Variants in GK observed in about 807,000 individuals in gnomAD.
The protein encoded by GK is ATP:glycerol 3-phosphotransferase.
GK carries 9 observed loss-of-function variants against 56.4 expected under a neutral mutation model. The ratio of observed to expected loss-of-function variants is 0.16; its 90% CI spans 0.10 to 0.28. GK has a LOEUF of 0.28. Among genes scored for constraint, GK ranks in the 10% least tolerant of loss-of-function variants. The probability of loss-of-function intolerance (pLI) is 1.00; values close to 1 mark genes in which losing one functional copy is unlikely to be tolerated. For synonymous variants in GK, 104 were observed against 144.1 expected (o/e 0.72, Z 1.99); for missense variants, 161 against 431.4 (o/e 0.37, Z 5.55).
chrX:30,682,633 G>A (rs911687873), intron 4 of GK, among the ~76,000 whole-genome samples: 4 of 112,125 alleles, frequency 3.6e-5, no homozygotes, highest in Non-Finnish European at 7.5e-5. Flanking sequence ...AGGTAGGATG[G>A]ATGGAAACAA....
At chrX:30,672,605 G>A (rs1933607886) in intron 3 of GK, among the ~76,000 whole-genome samples, 1 of 111,975 alleles carries the variant, frequency 8.9e-6, no homozygotes, top group Non-Finnish European at 1.9e-5. Context: ...CCTGAGGTCT[G>A]GAGTTCGAGA....
intron 3 of GK, among the ~76,000 whole-genome samples, chrX:30,671,304 A>C (rs951187367): frequency 2.8e-5 from 3 of 108,407 alleles, no homozygotes; most frequent in Non-Finnish European, 3.8e-5. Context: ...AAAAAAAAAA[A>C]AAAAAAAAAA....
At chrX:30,684,447 C>T (rs1468555556) in intron 4 of GK, among the ~76,000 whole-genome samples, 1 of 111,804 alleles carries the variant, frequency 8.9e-6, no homozygotes, top group Non-Finnish European at 1.9e-5. Context: ...GGGCGGATCA[C>T]CTGAGGTCGG....
intron 8 of GK, 161 bp downstream of exon 8, chrX:30,696,844 T>C (rs749325267): frequency 6.3e-6 from 3 of 473,346 alleles, no homozygotes; most frequent in Non-Finnish European, 1.1e-5. Context: ...TACAGTCCTT[T>C]TTACAATGGA....
chrX:30,682,248 T>A (rs1231338150), intron 4 of GK, among the ~76,000 whole-genome samples: 1 of 112,009 alleles, frequency 8.9e-6, no homozygotes, highest in Admixed American at 9.5e-5. Flanking sequence ...ACTTGAAAAT[T>A]GATAACATAG....
At chrX:30,656,548 G>A (rs974488931) in intron 1 of GK, among the ~76,000 whole-genome samples, 2 of 111,389 alleles carry the variant, frequency 1.8e-5, no homozygotes, top group Non-Finnish European at 3.8e-5. Flanking sequence ...CTAAATAGTG[G>A]CTCAACTGCC....
At chrX:30,677,301 G>A (rs767920061) in intron 3 of GK, 74 bp from the exon 4 acceptor site, 36 of 582,122 alleles carry the variant, frequency 6.2e-5, no homozygotes, top group Non-Finnish European at 1.0e-4. Flanking sequence ...CTAGTAAGAT[G>A]AGAGCTGTTT....
At chrX:30,688,080 C>T (rs1467181874) in intron 4 of GK, among the ~76,000 whole-genome samples, 3 of 111,994 alleles carry the variant, frequency 2.7e-5, no homozygotes, top group African/African-American at 6.5e-5. Flanking sequence ...TTTAGAGAAT[C>T]CAGACCAAGA....
intron 4 of GK, among the ~76,000 whole-genome samples, chrX:30,678,943 A>G (rs1376530709): frequency 9.8e-6 from 1 of 102,212 alleles, no homozygotes. Flanking sequence ...CAAGTGATCC[A>G]CCCATCTCAG....
At chrX:30,677,493 T>C in intron 4 of GK, 41 bp downstream of exon 4, 1 of 737,024 alleles carries the variant, frequency 1.4e-6, no homozygotes, top group South Asian at 2.1e-5. Flanking sequence ...GGGCCTTTCT[T>C]CACATTGCAA....
At chrX:30,665,450 A>T (rs1340914725) in intron 1 of GK, 61 bp from the exon 2 acceptor site, 2 of 690,885 alleles carry the variant, frequency 2.9e-6, no homozygotes, top group African/African-American at 4.2e-5. Context: ...TTACTGAATA[A>T]CTTTAAACAT....
chrX:30,680,537 C>A (rs2147172652), intron 4 of GK, among the ~76,000 whole-genome samples: 1 of 111,680 alleles, frequency 9.0e-6, no homozygotes, highest in Non-Finnish European at 1.9e-5. Flanking sequence ...GTTTAGCCAT[C>A]CCATGATGGT....
rs184898116 is a variant in GK, at chrX:30,684,401, C to T, written c.338-6722C>T. Among the ~76,000 whole-genome samples the T allele has an allele frequency of 3.1e-3, 346 of 112,207 alleles. 2 individuals are homozygous for T. Among genetic ancestry groups the T allele is most frequent in the African/African-American group, 0.011 (334 of 30,912 alleles). ...CATTCATAGGCCAGGCGTGGTGGCT[C>T]ACGCCTATAATCCCAACACTTTGGG... On this transcript the variant is annotated intron_variant, in intron 4 of 20. Coordinates refer to ENST00000427190, the MANE Select transcript of GK (RefSeq NM_001205019.2).
At chrX:30,670,949 C>T (rs921903207) in intron 3 of GK, among the ~76,000 whole-genome samples, 19 of 109,207 alleles carry the variant, frequency 1.7e-4, no homozygotes, top group Admixed American at 1.3e-3. Context: ...CCCCACTGTA[C>T]TCCAGCCTGG....
chrX:30,711,837 G>A (rs1936337063), intron 13 of GK, among the ~76,000 whole-genome samples: 1 of 111,385 alleles, frequency 9.0e-6, no homozygotes, highest in Admixed American at 9.5e-5. Flanking sequence ...CCAATCCCAA[G>A]AACCTCTATT....
In GK at chrX:30,677,853, A is replaced by G. The variant is rs111882617; in HGVS notation, c.337+401A>G. On this transcript the variant is annotated intron_variant, in intron 4 of 20. Transcript: ENST00000427190. Reference sequence around the variant, plus strand: ...AAAAAAAAAAGAAAGAAAAAAAAAAACACATGCAGTCATGGTACCTATAAT... The same window carrying G: ...AAAAAAAAAAGAAAGAAAAAAAAAAGCACATGCAGTCATGGTACCTATAAT... 9.0e-3 allele frequency: 3,857 copies of G among 427,318 alleles called. 131 individuals carry two copies. The highest frequency in any genetic ancestry group is 0.086 in the African/African-American group (3,388 of 39,255). The allele number at this position is 427,318 out of a possible 1,213,427, so 35.2% of individuals were successfully genotyped here.
chrX:30,707,994 A>C, intron 12 of GK, 60 bp from the exon 13 acceptor site: 1 of 691,334 alleles, frequency 1.4e-6, no homozygotes, highest in Non-Finnish European at 2.3e-6. Context: ...TTTAAAAAAA[A>C]GTTCTCATGT....
In GK at chrX:30,694,519, T is replaced by A. The variant is rs1330394839; in HGVS notation, c.534T>A (p.Ile178=). The A allele has an allele frequency of 8.3e-7, 1 of 1,205,804 alleles. No individual in the cohort carries two copies. Among genetic ancestry groups the A allele is most frequent in the Admixed American group, 2.2e-5 (1 of 45,715 alleles). ...VEEKRALFGT[I]DSWLIWSLTG... ...AAAAACGAGCTCTTTTTGGGACTATTGATTCATGGCTTATTTGGGTATGTT... is the reference window on the plus strand; with the variant it reads ...AAAAACGAGCTCTTTTTGGGACTATAGATTCATGGCTTATTTGGGTATGTT... Residue 178 remains isoleucine (I), a synonymous_variant, in exon 6 of 21, where the codon ATT becomes ATA. Coordinates refer to ENST00000427190, the MANE Select transcript of GK (RefSeq NM_001205019.2).
At chrX:30,724,502 AT>A (rs1290719280) in intron 19 of GK, 4 of 249,198 alleles carry the variant, frequency 1.6e-5, no homozygotes, top group Non-Finnish European at 2.9e-5. Flanking sequence ...TAGAGTCTTC[AT>A]TTTTTTCCCC....
Sources: allele counts gnomAD v4.1 joint callset (sites outside exome capture counted in the v4.1 genomes callset), GRCh38; gene constraint gnomAD v4.1.1; transcripts MANE v1.5; gene names NCBI Gene and HGNC (gene_info 2026-07-23, HGNC 2026-07-21).